The following NR2C1 variants were observed in gnomAD, a reference collection of about 807,000 sequenced individuals.
NR2C1 encodes nuclear receptor subfamily 2 group C member 1.
NR2C1 carries 33 observed loss-of-function variants against 74.8 expected under a neutral mutation model. The observed-to-expected ratio is 0.44, with a 90% CI of 0.33 to 0.59. NR2C1 has a LOEUF of 0.59. Among genes scored for constraint, NR2C1 ranks in the 20% least tolerant of loss-of-function variants. The pLI, the probability that NR2C1 is intolerant of heterozygous loss-of-function variation, is 0.02. For missense variants in NR2C1, 568 were observed against 715.6 expected (o/e 0.79, Z 2.35); for synonymous variants, 225 against 240.6 (o/e 0.94, Z 0.60).
At chr12:95,037,353 A>G (rs1000387423) in intron 10 of NR2C1, among the ~76,000 whole-genome samples, 5 of 152,244 alleles carry the variant, frequency 3.3e-5, no homozygotes, top group Non-Finnish European at 7.3e-5. Flanking sequence ...ACCTTTGTAA[A>G]ATACAGAAGC....
Position 95,051,854 on chromosome 12 carries a change from ATT to A in NR2C1, c.871_872del (p.Asn291Ter). ...TTTCAATCATAGACATTTCATTACT[ATT>A]TTGAGAAAGATCTTTAGTTTTTCCA... ...NLGKTKDLSQ[N>X]SNEMSMIESL... On this transcript the variant is annotated frameshift_variant, in exon 8 of 14. Transcript: ENST00000333003. LOFTEE classifies it high-confidence loss of function. The A allele has an allele frequency of 6.2e-7, 1 of 1,611,732 alleles. No individual in the cohort carries two copies. The highest frequency in any genetic ancestry group is 8.5e-7 in the Non-Finnish European group (1 of 1,179,386).
intron 4 of NR2C1, among the ~76,000 whole-genome samples, chr12:95,059,432 C>T (rs1281328384): frequency 1.3e-5 from 2 of 151,848 alleles, no homozygotes; most frequent in African/African-American, 4.8e-5. Context: ...TGGGACCGGG[C>T]ATGGGGGCTT....
Position 95,067,367 on chromosome 12 carries a change from T to G in NR2C1, c.18A>C (p.Glu6Asp), listed in dbSNP as rs1467035957. 4 of 1,613,620 alleles carry G rather than the reference T, an allele frequency of 2.5e-6. No individual in the cohort carries two copies. The highest frequency in any genetic ancestry group is 2.5e-6 in the Non-Finnish European group (3 of 1,179,702). ...GTTGTTCAATAATTTGATGTGCAAT[T>G]TCTTCTATGGTTGCCATGATCTACC... MATIE[E>D]IAHQIIEQQM... The change falls in exon 2 of 14, where the codon GAA (glutamate) becomes GAC (aspartate). Residue 6 changes from glutamate to aspartate, a missense_variant. Transcript: ENST00000333003.
rs774546597 is a variant in NR2C1, at chr12:95,058,374, G to C, written c.480C>G (p.His160Gln). The change falls in exon 5 of 14, where the codon CAC (histidine) becomes CAG (glutamine). Residue 160 changes from histidine (H) to glutamine (Q), a missense_variant. Coordinates refer to ENST00000333003, the MANE Select transcript of NR2C1 (RefSeq NM_003297.4). The stretch of plus-strand genomic sequence containing the variant: ...TGCAGTATTGACAGCGGTTTCGGTG[G>C]TGCTTATTAATAATACAATCCTTTG... ...RGSKDCIINK[H>Q]HRNRCQYCRL... The C allele has an allele frequency of 1.2e-6, 2 of 1,613,618 alleles. No individual in the cohort carries two copies. The highest frequency in any genetic ancestry group is 1.7e-6 in the Non-Finnish European group (2 of 1,179,964).
At chr12:95,038,496 G>A (rs560297756) in intron 10 of NR2C1, among the ~76,000 whole-genome samples, 2 of 152,334 alleles carry the variant, frequency 1.3e-5, no homozygotes, top group Admixed American at 6.5e-5. Context: ...AGAGGCTCAC[G>A]CCTATAACAC....
Position 95,022,449 on chromosome 12 carries a change from G to A in NR2C1, c.1638-46C>T, listed in dbSNP as rs147638756. 5.6e-4 allele frequency: 821 copies of A among 1,458,686 alleles called. 4 individuals carry two copies. Among genetic ancestry groups the A allele is most frequent in the Middle Eastern group, 3.6e-3 (17 of 4,748 alleles). 90.4% of individuals were successfully genotyped at this position (1,458,686 alleles called of 1,614,324 possible). A position where few individuals can be genotyped will look rare whatever the true frequency, so the allele number is the denominator to read the frequency against. On this transcript the variant is annotated intron_variant, in intron 13 of 13. Coordinates refer to ENST00000333003, the MANE Select transcript of NR2C1 (RefSeq NM_003297.4). ...GGGAGAGGAACAAGGTTGTAAACCA[G>A]AAAGAAATTTAGTAGAAAAATATGA...
chr12:95,042,216 T>C (rs530778352), intron 9 of NR2C1, among the ~76,000 whole-genome samples: 2 of 148,812 alleles, frequency 1.3e-5, no homozygotes, highest in South Asian at 4.2e-4. Flanking sequence ...TTCTCAAAGG[T>C]ATCTTTTTTT....
At chr12:95,069,341 A>G (rs1200544595) in intron 1 of NR2C1, among the ~76,000 whole-genome samples, 5 of 152,318 alleles carry the variant, frequency 3.3e-5, no homozygotes, top group East Asian at 3.9e-4. Context: ...GTTTTAGTCA[A>G]TGAATGAGAC....
intron 10 of NR2C1, among the ~76,000 whole-genome samples, chr12:95,038,571 A>T (rs1337751357): frequency 6.6e-6 from 1 of 152,262 alleles, no homozygotes; most frequent in African/African-American, 2.4e-5. Flanking sequence ...CTGCCTGGCC[A>T]ACATGGCGAA....
At position 95,031,497 on chromosome 12, in the gene NR2C1, A is replaced by G; in HGVS notation, c.1254-9T>C. On this transcript the variant is annotated splice_polypyrimidine_tract_variant and intron_variant, in intron 10 of 13. Coordinates refer to ENST00000333003, the MANE Select transcript of NR2C1 (RefSeq NM_003297.4). ...ATATGCTGTTTTCTTGCCTATTAAA[A>G]ACAGTAATAAAAGCACAAATCAGAT... is the stretch of plus-strand genomic sequence containing the variant. 1 of 1,576,182 alleles carries G rather than the reference A, an allele frequency of 6.3e-7. No homozygotes were observed. The highest frequency in any genetic ancestry group is 1.2e-5 in the South Asian group (1 of 83,706).
At chr12:95,025,381 G>T in intron 12 of NR2C1, 126 bp from the exon 13 acceptor site, 1 of 557,244 alleles carries the variant, frequency 1.8e-6, no homozygotes, top group Non-Finnish European at 3.1e-6. Flanking sequence ...GGCTCAGGCC[G>T]GGCATGGTGG....
chr12:95,040,093 T>C (rs1259484720), intron 10 of NR2C1, among the ~76,000 whole-genome samples: 1 of 152,158 alleles, frequency 6.6e-6, no homozygotes, highest in East Asian at 1.9e-4. Flanking sequence ...TTCAGCTCTT[T>C]AGTAACATGC....
intron 4 of NR2C1, 79 bp from the exon 5 acceptor site, chr12:95,058,568 T>C (rs112971921): frequency 1.8e-6 from 2 of 1,099,664 alleles, no homozygotes. Flanking sequence ...TTCTTCCCTT[T>C]AAACAACATA....
At chr12:95,038,433 G>A (rs1042991622) in intron 10 of NR2C1, among the ~76,000 whole-genome samples, 1 of 152,324 alleles carries the variant, frequency 6.6e-6, no homozygotes, top group Middle Eastern at 3.4e-3. Flanking sequence ...TGAGTTACAA[G>A]ATGAGTGAAC....
chr12:95,048,031 A>T (rs1872521896), intron 9 of NR2C1, among the ~76,000 whole-genome samples: 1 of 152,234 alleles, frequency 6.6e-6, no homozygotes, highest in Non-Finnish European at 1.5e-5. Context: ...TAAAAAGTGT[A>T]AGTTAAAAAC....
rs998542643 is a variant in NR2C1 at position 95,064,646 on chromosome 12, TG to T, written c.55-1909del. On this transcript the variant is annotated intron_variant, in intron 2 of 13. Coordinates refer to ENST00000333003, the MANE Select transcript of NR2C1 (RefSeq NM_003297.4). ...GAGGACAGAACTGCCATCTGCCATC[TG>T]GGGGGGAGGAACAAGTTCATGAATA... is the stretch of plus-strand genomic sequence containing the variant. Among the ~76,000 whole-genome samples the T allele has an allele frequency of 1.6e-4, 24 of 152,240 alleles. 1 individual carries two copies. Among genetic ancestry groups the T allele is most frequent in the Non-Finnish European group, 1.2e-4 (8 of 68,004 alleles).
At chr12:95,059,393 G>C (rs1301356715) in intron 4 of NR2C1, among the ~76,000 whole-genome samples, 1 of 151,684 alleles carries the variant, frequency 6.6e-6, no homozygotes, top group Non-Finnish European at 1.5e-5. Context: ...TTGCACTGAA[G>C]TTAAAAAATA....
intron 10 of NR2C1, among the ~76,000 whole-genome samples, chr12:95,039,484 T>C (rs1043961005): frequency 6.6e-6 from 1 of 152,216 alleles, no homozygotes; most frequent in Non-Finnish European, 1.5e-5. Flanking sequence ...TTTCTAACTA[T>C]GGGCTTAACT....
intron 10 of NR2C1, among the ~76,000 whole-genome samples, chr12:95,037,421 T>C (rs986672119): frequency 5.3e-5 from 8 of 152,220 alleles, no homozygotes; most frequent in African/African-American, 1.9e-4. Context: ...TTGTAAAATA[T>C]AGAAGCCTTG....
Sources: allele counts gnomAD v4.1 joint callset (sites outside exome capture counted in the v4.1 genomes callset), GRCh38; gene constraint gnomAD v4.1.1; transcripts MANE v1.5; gene names NCBI Gene and HGNC (gene_info 2026-07-23, HGNC 2026-07-21).